Variants in USP34 observed in about 807,000 individuals in gnomAD.
The protein encoded by USP34 is ubiquitin carboxyl-terminal hydrolase 34.
Under a neutral mutation model 460.3 loss-of-function variants are expected in USP34, and 70 were observed. The observed-to-expected ratio is 0.15, with a 90% CI of 0.13 to 0.19. USP34 has a LOEUF of 0.19. USP34 is among the 10% of genes least tolerant of loss of function. The pLI is 1.00. For synonymous variants in USP34, 1,647 were observed against 1,405.3 expected (o/e 1.17, Z -3.85); for missense variants, 3,985 against 4,236.2 (o/e 0.94, Z 1.65).
At chr2:61,378,913 G>GAAAAAAAAAGAAA (rs1692879905) in intron 7 of USP34, among the ~76,000 whole-genome samples, 1 of 57,872 alleles carries the variant, frequency 1.7e-5, no homozygotes, top group East Asian at 7.0e-4. Context: ...TCAAAAAAAC[G>GAAAAAAAAAGAAA]AAAAAAAAAA....
intron 1 of USP34, among the ~76,000 whole-genome samples, chr2:61,430,225 A>G (rs1247396762): frequency 6.0e-5 from 8 of 132,868 alleles, no homozygotes. Context: ...AAAAAAAAAA[A>G]AAAAAGAAAA....
At chr2:61,193,365 T>TAAAAAAAAAAAAAAAAAAA (rs577314106) in intron 75 of USP34, 6 of 97,236 alleles carry the variant, frequency 6.2e-5, no homozygotes, top group African/African-American at 2.2e-4. Context: ...AGGGGAAAGG[T>TAAAAAAAAAAAAAAAAAAA]AAAAAAAAAA....
At chr2:61,288,087 C>T (rs139564395) in intron 34 of USP34, among the ~76,000 whole-genome samples, 3 of 152,304 alleles carry the variant, frequency 2.0e-5, no homozygotes, top group Non-Finnish European at 4.4e-5. Flanking sequence ...TTTCAGCCTT[C>T]AGCTTTTTTA....
chr2:61,334,700 G>A (rs754031962), intron 18 of USP34, among the ~76,000 whole-genome samples: 3 of 152,186 alleles, frequency 2.0e-5, no homozygotes, highest in Non-Finnish European at 4.4e-5. Flanking sequence ...TATGTTTGAC[G>A]TTAGAGAAAT....
At chr2:61,229,489 C>CA (rs1687830787) in intron 59 of USP34, 59 bp downstream of exon 59, 1 of 409,668 alleles carries the variant, frequency 2.4e-6, no homozygotes, top group Non-Finnish European at 3.6e-6. Flanking sequence ...AAAAAAAAAA[C>CA]AAAAACACCA....
At chr2:61,459,549 C>A (rs1180963176) in intron 1 of USP34, among the ~76,000 whole-genome samples, 1 of 151,942 alleles carries the variant, frequency 6.6e-6, no homozygotes, top group Non-Finnish European at 1.5e-5. Flanking sequence ...CCAAGACGGG[C>A]GGATCACTTC....
intron 5 of USP34, among the ~76,000 whole-genome samples, chr2:61,392,390 G>A (rs761936425): frequency 1.3e-5 from 2 of 152,148 alleles, no homozygotes; most frequent in East Asian, 1.9e-4. Flanking sequence ...TTGGGAGGCC[G>A]AGGTGGGCGG....
chr2:61,387,819 A>G (rs1693207922), intron 5 of USP34, among the ~76,000 whole-genome samples: 1 of 149,602 alleles, frequency 6.7e-6, no homozygotes, highest in African/African-American at 2.4e-5. Context: ...GTATACACAC[A>G]TGTAAAAATA....
intron 20 of USP34, among the ~76,000 whole-genome samples, chr2:61,331,019 A>G (rs1691243841): frequency 2.0e-5 from 3 of 152,162 alleles, no homozygotes; most frequent in Non-Finnish European, 2.9e-5. Flanking sequence ...AAAAACAGTT[A>G]TCTTTGAACA....
chr2:61,218,553 T>C (rs1315809720), intron 67 of USP34, among the ~76,000 whole-genome samples: 1 of 151,922 alleles, frequency 6.6e-6, no homozygotes, highest in Admixed American at 6.6e-5. Context: ...ACTTTAGATT[T>C]CACTTGTTTT....
chr2:61,369,401 C>T (rs575897133), intron 10 of USP34, among the ~76,000 whole-genome samples: 5 of 151,900 alleles, frequency 3.3e-5, no homozygotes, highest in African/African-American at 9.7e-5. Context: ...TCCCAGCACA[C>T]TGGGAGGCCG....
At chr2:61,399,341 C>A (rs1398035470) in intron 3 of USP34, among the ~76,000 whole-genome samples, 1 of 143,190 alleles carries the variant, frequency 7.0e-6, no homozygotes, top group Non-Finnish European at 1.5e-5. Context: ...AAAACTCCGT[C>A]TCAAAAAAAA....
chr2:61,234,569 G>C (rs906596974), intron 57 of USP34, among the ~76,000 whole-genome samples: 2 of 152,182 alleles, frequency 1.3e-5, no homozygotes, highest in African/African-American at 4.8e-5. Context: ...TACAAAAGTA[G>C]TTAAGAGAGG....
In USP34 at chr2:61,283,211, T is replaced by G; in HGVS notation, c.4932A>C (p.Lys1644Asn). Residue 1644 changes from lysine (K) to asparagine (N), a missense_variant, in exon 37 of 80, where the codon AAA (lysine) becomes AAC (asparagine). Lys to Asn is a moderately conservative substitution (Grantham distance 94). Around this residue, in one of 14 missense-constraint regions of USP34, gnomAD observed 1,114 missense variants for 1,122.5 expected, o/e 0.99. Transcript: ENST00000398571. ...VSWAHCCSLV[K>N]SSLADSDHLQ... ...AATGATCGCTATCAGCAAGGCTAGA[T>G]TTCACTAAAGAACAGCAATGAGCCC... is the stretch of plus-strand genomic sequence containing the variant. 1.2e-6 allele frequency: 2 copies of G among 1,613,704 alleles called. No homozygotes were observed. The highest frequency in any genetic ancestry group is 1.7e-6 in the Non-Finnish European group (2 of 1,179,788).
chr2:61,465,265 T>A (rs1196688848), intron 1 of USP34, among the ~76,000 whole-genome samples: 1 of 152,108 alleles, frequency 6.6e-6, no homozygotes. Context: ...CTTCAACGGG[T>A]CCTCAACCTG....
chr2:61,422,055 T>C (rs1424243395), intron 1 of USP34, among the ~76,000 whole-genome samples: 1 of 152,220 alleles, frequency 6.6e-6, no homozygotes, highest in African/African-American at 2.4e-5. Flanking sequence ...ACCAGGCTTT[T>C]GGGACCTAGA....
intron 8 of USP34, among the ~76,000 whole-genome samples, chr2:61,373,236 A>AT (rs1263986350): frequency 6.6e-6 from 1 of 151,766 alleles, no homozygotes; most frequent in Non-Finnish European, 1.5e-5. Flanking sequence ...ATAAAAATAG[A>AT]TAGTAAAGGA....
At chr2:61,224,992 C>T (rs1687686884) in intron 62 of USP34, among the ~76,000 whole-genome samples, 1 of 152,144 alleles carries the variant, frequency 6.6e-6, no homozygotes, top group Non-Finnish European at 1.5e-5. Context: ...CCAATTCTTT[C>T]AGTGGGAAAT....
At chr2:61,216,450 A>G (rs1386124654) in intron 67 of USP34, among the ~76,000 whole-genome samples, 4 of 151,634 alleles carry the variant, frequency 2.6e-5, no homozygotes, top group Admixed American at 6.6e-5. Flanking sequence ...AATACAAAAA[A>G]TTAGCCAGGC....
Sources: allele counts gnomAD v4.1 joint callset (sites outside exome capture counted in the v4.1 genomes callset), GRCh38; gene constraint gnomAD v4.1.1; regional missense constraint gnomAD v4.1.1; transcripts MANE v1.5; gene names NCBI Gene and HGNC (gene_info 2026-07-23, HGNC 2026-07-21).